The following RBL2 variants were observed in gnomAD, a reference collection of about 807,000 sequenced individuals.
RBL2 encodes the protein retinoblastoma-like protein 2.
RBL2 carries 56 observed loss-of-function variants against 126.0 expected under a neutral mutation model. The observed-to-expected ratio is 0.44, with a 90% CI of 0.36 to 0.56. RBL2 has a LOEUF of 0.56. Among genes scored for constraint, RBL2 ranks in the 20% least tolerant of loss-of-function variants. The pLI, the probability that RBL2 is intolerant of heterozygous loss-of-function variation, is 0.00. For synonymous variants in RBL2, 454 were observed against 478.5 expected (o/e 0.95, Z 0.67); for missense variants, 1,229 against 1,398.2 (o/e 0.88, Z 1.93).
chr16:53,442,958 G>T, intron 3 of RBL2, 100 bp downstream of exon 3: 3 of 934,224 alleles, frequency 3.2e-6, no homozygotes, highest in Non-Finnish European at 4.6e-6. Context: ...AAAGAAATAA[G>T]ATTTAAAAAA....
intron 8 of RBL2, among the ~76,000 whole-genome samples, chr16:53,456,496 C>T (rs148413623): frequency 2.0e-5 from 3 of 152,152 alleles, no homozygotes; most frequent in East Asian, 1.9e-4. Context: ...CAGGATTTAC[C>T]GAGGGTTTGT....
chr16:53,463,519 G>C (rs970633414), intron 11 of RBL2, among the ~76,000 whole-genome samples: 1 of 149,524 alleles, frequency 6.7e-6, no homozygotes, highest in Non-Finnish European at 1.5e-5. Context: ...TGGAATTACA[G>C]GTATGAGCCA....
chr16:53,458,226 A>C (rs1307551675), intron 8 of RBL2, among the ~76,000 whole-genome samples: 1 of 152,202 alleles, frequency 6.6e-6, no homozygotes, highest in Non-Finnish European at 1.5e-5. Flanking sequence ...TTGCCAGGTG[A>C]AAGTTTTGCT....
rs768908408 is a variant in RBL2, at chr16:53,459,546, C to T, written c.1275C>T (p.Ser425=). The change falls in exon 9 of 22, where the codon AGC becomes AGT. Residue 425 remains serine, a synonymous_variant. Coordinates refer to ENST00000262133, the MANE Select transcript of RBL2 (RefSeq NM_005611.4). ...CTCCAGTTTCTACAGCTACGCATAG[C>T]TTGAGTCGTCTTCACACCATGCTGA... ...CVTPVSTATH[S]LSRLHTMLTG... 3.7e-6 allele frequency: 6 copies of T among 1,609,472 alleles called. No homozygotes were observed. Among genetic ancestry groups the T allele is most frequent in the Non-Finnish European group, 5.1e-6 (6 of 1,178,658 alleles).
At chr16:53,449,943 A>G (rs1009959138) in intron 4 of RBL2, among the ~76,000 whole-genome samples, 13 of 140,798 alleles carry the variant, frequency 9.2e-5, no homozygotes, top group Non-Finnish European at 1.7e-4. Flanking sequence ...TTTTTATTAG[A>G]TGTTACAGTA....
chr16:53,464,186 CTAAG>C, intron 11 of RBL2, 36 bp from the exon 12 acceptor site: 2 of 1,433,718 alleles, frequency 1.4e-6, no homozygotes, highest in South Asian at 2.9e-5. Flanking sequence ...ACTTTTTAGA[CTAAG>C]TAAATGTTTC....
In RBL2 at chr16:53,483,714, A is replaced by T. The variant is rs868085906; in HGVS notation, c.3249+1879A>T. ...AAGATCAGCTTGGCCAACATGGTGA[A>T]ACCCCATCTCTGCTAAAAGTACAAA... On this transcript the variant is annotated intron_variant, in intron 21 of 21. Transcript: ENST00000262133. 3.9e-5 allele frequency among the ~76,000 whole-genome samples: 6 copies of T among 152,106 alleles called. No homozygotes were observed. In the South Asian group the frequency reaches 1.2e-3, roughly 32 times the overall value.
At chr16:53,465,055 A>G (rs757062282) in intron 12 of RBL2, among the ~76,000 whole-genome samples, 1 of 152,206 alleles carries the variant, frequency 6.6e-6, no homozygotes, top group Non-Finnish European at 1.5e-5. Context: ...GGCCCCCCAG[A>G]GTGCTGGGAT....
At chr16:53,482,047 T>C (rs3803657) in intron 21 of RBL2, among the ~76,000 whole-genome samples, 71,282 of 151,874 alleles carry the variant, frequency 0.47, 17,348 homozygotes, top group Middle Eastern at 0.61. Context: ...GGAAACAGGG[T>C]AAGGGATTTG....
intron 4 of RBL2, among the ~76,000 whole-genome samples, chr16:53,447,869 T>C (rs1659138419): frequency 6.6e-6 from 1 of 152,094 alleles, no homozygotes; most frequent in Non-Finnish European, 1.5e-5. Context: ...GGTCTCAAAC[T>C]CCTGACCTCA....
intron 8 of RBL2, among the ~76,000 whole-genome samples, 153 bp from the exon 9 acceptor site, chr16:53,459,298 T>C (rs1288016998): frequency 6.6e-6 from 1 of 152,206 alleles, no homozygotes; most frequent in Non-Finnish European, 1.5e-5. Context: ...CCAAGAATGG[T>C]GACATTTGAG....
At position 53,439,153 on chromosome 16, in the gene RBL2, A is replaced by G. The variant is rs2057989191; in HGVS notation, c.371+7A>G. ...TGAAATGTTCAGAGCAGAGGTAACTATGTTAGAGTTTGACAAGTAGAGTAT... is the reference window on the plus strand; with the variant it reads ...TGAAATGTTCAGAGCAGAGGTAACTGTGTTAGAGTTTGACAAGTAGAGTAT... On this transcript the variant is annotated splice_region_variant and intron_variant, in intron 2 of 21. Coordinates refer to ENST00000262133, the MANE Select transcript of RBL2 (RefSeq NM_005611.4). 1.3e-6 allele frequency: 2 copies of G among 1,576,152 alleles called. No homozygotes were observed. Among genetic ancestry groups the G allele is most frequent in the East Asian group, 2.3e-5 (1 of 43,130 alleles).
chr16:53,451,087 C>A (rs2058110358), intron 4 of RBL2, among the ~76,000 whole-genome samples: 2 of 152,050 alleles, frequency 1.3e-5, no homozygotes, highest in African/African-American at 4.8e-5. Context: ...GTTTTGTGTT[C>A]AGAATTTTCA....
At chr16:53,459,729 G>A (rs1257909451) in intron 9 of RBL2, 112 bp downstream of exon 9, 6 of 1,048,700 alleles carry the variant, frequency 5.7e-6, no homozygotes, top group South Asian at 1.9e-5. Context: ...TTTATCAATT[G>A]TATACTCAGT....
Position 53,434,539 on chromosome 16 carries a change from G to A in RBL2, c.-18G>A, listed in dbSNP as rs961389368. On this transcript the variant is annotated 5_prime_UTR_variant, in exon 1 of 22. Coordinates refer to ENST00000262133, the MANE Select transcript of RBL2 (RefSeq NM_005611.4). The stretch of plus-strand genomic sequence containing the variant: ...GGGCCCTCACCTCACCTGAGGTCCG[G>A]CCGCCCAGGGGTGCGCTATGCCGTC... 6 of 1,433,968 alleles carry A rather than the reference G, an allele frequency of 4.2e-6. No individual in the cohort carries two copies. The African/African-American group carries it at 6.0e-5, about 14-fold the overall frequency. The allele number at this position is 1,433,968 out of a possible 1,614,324, so 88.8% of individuals were successfully genotyped here. A position where few individuals can be genotyped will look rare whatever the true frequency, so the allele number is the denominator to read the frequency against.
chr16:53,443,583 T>C (rs908536483), intron 3 of RBL2, among the ~76,000 whole-genome samples: 2 of 152,226 alleles, frequency 1.3e-5, no homozygotes, highest in Admixed American at 1.3e-4. Context: ...GTTTTCTACC[T>C]TTCCTGATAG....
intron 11 of RBL2, among the ~76,000 whole-genome samples, chr16:53,463,715 G>A: frequency 6.6e-6 from 1 of 151,510 alleles, no homozygotes; most frequent in Non-Finnish European, 1.5e-5. Context: ...CTACAGGTGT[G>A]TGCCACCACA....
Position 53,467,128 on chromosome 16 carries a change from G to T in RBL2, c.1934G>T (p.Arg645Met), listed in dbSNP as rs142528560. The change falls in exon 14 of 22, where the codon AGG becomes ATG. Residue 645 changes from arginine to methionine, a missense_variant. Around this residue, in one of 2 missense-constraint regions of RBL2, gnomAD observed 1,070 missense variants for 1,274.3 expected, o/e 0.84. Transcript: ENST00000262133. ...CIAGSPLTPR[R>M]VTEVRADTGG... ...GCTGGCTCCCCTTTGACTCCCAGAAGGGTGACTGAAGTTCGTGCTGATACT... is the reference window on the plus strand; with the variant it reads ...GCTGGCTCCCCTTTGACTCCCAGAATGGTGACTGAAGTTCGTGCTGATACT... 1 of 1,613,886 alleles carries T rather than the reference G, an allele frequency of 6.2e-7. No homozygotes were observed. Among genetic ancestry groups the T allele is most frequent in the Non-Finnish European group, 8.5e-7 (1 of 1,179,964 alleles).
Position 53,480,007 on chromosome 16 carries a change from G to A in RBL2, c.2881+16G>A. On this transcript the variant is annotated intron_variant, in intron 19 of 21. Coordinates refer to ENST00000262133, the MANE Select transcript of RBL2 (RefSeq NM_005611.4). ...AAAGATAGAAGTAAGTGGGATCTTT[G>A]TGAACTACAAGACAAAATTAGGAGC... 6.5e-7 allele frequency: 1 copy of A among 1,537,692 alleles called. No individual in the cohort carries two copies. The highest frequency in any genetic ancestry group is 8.9e-7 in the Non-Finnish European group (1 of 1,123,364).
Sources: gnomAD v4.1 joint callset for allele counts (sites outside exome capture counted in the v4.1 genomes callset) on GRCh38, gnomAD v4.1.1 for gene constraint, gnomAD v4.1.1 regional missense constraint, MANE v1.5 for transcripts, NCBI Gene and HGNC (gene_info 2026-07-23, HGNC 2026-07-21) for gene names.